CCDC178: variants seen among roughly 807,000 people sequenced by gnomAD.
CCDC178 encodes coiled-coil domain-containing protein 178.
A neutral mutation model predicts 117.4 loss-of-function variants in CCDC178; 126 were observed. The ratio of observed to expected loss-of-function variants is 1.07; its 90% CI spans 0.93 to 1.24. The LOEUF (loss-of-function observed/expected upper bound fraction) is 1.24. Ranked by LOEUF, CCDC178 falls within the 50% of genes most tolerant of loss-of-function variation. The pLI is 0.00. For missense variants in CCDC178, 1,030 were observed against 986.9 expected, an observed-to-expected ratio of 1.04 and a Z score of -0.59; for synonymous variants, 283 against 313.4, an observed-to-expected ratio of 0.90 and a Z score of 1.02.
chr18:33,138,332 C>T (rs781271977), intron 20 of CCDC178, among the ~76,000 whole-genome samples: 2 of 152,180 alleles, frequency 1.3e-5, no homozygotes, highest in Admixed American at 6.5e-5. Context: ...AAAAGGGCAT[C>T]TCCACCTCAT....
At chr18:33,405,014 A>G (rs1454522931) in intron 3 of CCDC178, among the ~76,000 whole-genome samples, 1 of 152,072 alleles carries the variant, frequency 6.6e-6, no homozygotes, top group Non-Finnish European at 1.5e-5. Flanking sequence ...TGGTTATGAA[A>G]GTGTTCTAGA....
intron 9 of CCDC178, among the ~76,000 whole-genome samples, chr18:33,343,762 T>C (rs2062847522): frequency 1.3e-5 from 2 of 152,202 alleles, no homozygotes; most frequent in Admixed American, 6.5e-5. Context: ...ATTTTATTTT[T>C]GAAAAGTATC....
intron 21 of CCDC178, among the ~76,000 whole-genome samples, chr18:33,025,407 T>C (rs2056207324): frequency 6.6e-6 from 1 of 152,174 alleles, no homozygotes; most frequent in South Asian, 2.1e-4. Context: ...TGGAGCTTAC[T>C]AAAATTAAAA....
intron 14 of CCDC178, among the ~76,000 whole-genome samples, chr18:33,251,285 G>A (rs2059616702): frequency 6.6e-6 from 1 of 151,730 alleles, no homozygotes; most frequent in Admixed American, 6.6e-5. Context: ...GTACCAGTAA[G>A]CTGGTAAGAG....
intron 21 of CCDC178, among the ~76,000 whole-genome samples, chr18:33,043,824 T>G (rs1262263621): frequency 6.6e-6 from 1 of 151,970 alleles, no homozygotes; most frequent in Non-Finnish European, 1.5e-5. Flanking sequence ...AATTACATAC[T>G]CTAATCACAT....
intron 20 of CCDC178, among the ~76,000 whole-genome samples, chr18:33,143,596 T>C (rs2058235168): frequency 6.6e-6 from 1 of 152,118 alleles, no homozygotes; most frequent in Non-Finnish European, 1.5e-5. Context: ...TGAAATAATG[T>C]TCCCTAATAT....
At chr18:33,418,432 A>T (rs1330542647) in intron 2 of CCDC178, among the ~76,000 whole-genome samples, 1 of 152,202 alleles carries the variant, frequency 6.6e-6, no homozygotes, top group Non-Finnish European at 1.5e-5. Context: ...AACCAGAAAA[A>T]GACAAGGATT....
intron 15 of CCDC178, among the ~76,000 whole-genome samples, chr18:33,242,625 A>AC (rs1555669892): frequency 6.6e-6 from 1 of 151,374 alleles, no homozygotes; most frequent in African/African-American, 2.4e-5. Flanking sequence ...TCAAAAAAAA[A>AC]TCATACAAAT....
intron 8 of CCDC178, among the ~76,000 whole-genome samples, chr18:33,348,464 AT>A (rs1480796626): frequency 6.6e-6 from 1 of 151,958 alleles, no homozygotes; most frequent in African/African-American, 2.4e-5. Flanking sequence ...AACCATTTAC[AT>A]TTATATGCAA....
At chr18:33,188,663 A>G (rs1222640223) in intron 20 of CCDC178, among the ~76,000 whole-genome samples, 1 of 152,166 alleles carries the variant, frequency 6.6e-6, no homozygotes, top group Non-Finnish European at 1.5e-5. Context: ...AGTTTTAACA[A>G]CCACAGGAAC....
chr18:33,132,441 T>C (rs1044912655), intron 20 of CCDC178, among the ~76,000 whole-genome samples: 1 of 151,768 alleles, frequency 6.6e-6, no homozygotes, highest in African/African-American at 2.4e-5. Context: ...TTTTTTCTTT[T>C]GGTTAAAGCA....
intron 20 of CCDC178, among the ~76,000 whole-genome samples, chr18:33,189,569 C>T (rs1252547267): frequency 6.6e-6 from 1 of 152,054 alleles, no homozygotes; most frequent in Non-Finnish European, 1.5e-5. Flanking sequence ...GTTACTTAGT[C>T]AAATGTACAA....
intron 15 of CCDC178, among the ~76,000 whole-genome samples, chr18:33,244,836 A>G (rs1219744063): frequency 6.6e-6 from 1 of 151,872 alleles, no homozygotes; most frequent in Non-Finnish European, 1.5e-5. Context: ...GGTACTCTAG[A>G]ATTCAACAAC....
chr18:33,436,367 C>T (rs1394552886), intron 2 of CCDC178, among the ~76,000 whole-genome samples: 6 of 152,164 alleles, frequency 3.9e-5, no homozygotes, highest in Non-Finnish European at 8.8e-5. Context: ...TGATGAAAGA[C>T]ATGCATAGAC....
At chr18:33,024,009 T>C (rs1048345993) in intron 21 of CCDC178, among the ~76,000 whole-genome samples, 2 of 152,130 alleles carry the variant, frequency 1.3e-5, no homozygotes, top group Non-Finnish European at 2.9e-5. Context: ...AATTAACCGT[T>C]CCTCAAAAAG....
intron 20 of CCDC178, among the ~76,000 whole-genome samples, chr18:33,095,643 T>G (rs2057530380): frequency 6.6e-6 from 1 of 151,944 alleles, no homozygotes. Context: ...CAGAAATATA[T>G]ATATTGTGCC....
At chr18:33,391,287 G>A (rs140476636) in intron 4 of CCDC178, among the ~76,000 whole-genome samples, 343 of 150,452 alleles carry the variant, frequency 2.3e-3, no homozygotes, top group Non-Finnish European at 3.8e-3. Flanking sequence ...ATCTATATGC[G>A]TGCAATAAAA....
At chr18:33,065,861 C>CTTTT (rs113727763) in intron 21 of CCDC178, among the ~76,000 whole-genome samples, 2 of 130,214 alleles carry the variant, frequency 1.5e-5, no homozygotes, top group East Asian at 2.2e-4. Flanking sequence ...AGTTCTTTTT[C>CTTTT]TTTTTTTTTT....
intron 20 of CCDC178, among the ~76,000 whole-genome samples, chr18:33,095,770 G>GTATA (rs138104454): frequency 6.7e-6 from 1 of 149,884 alleles, no homozygotes; most frequent in African/African-American, 2.4e-5. Flanking sequence ...CTTGAGAGGT[G>GTATA]TATATATATA....
Sources: allele counts gnomAD v4.1 joint callset (sites outside exome capture counted in the v4.1 genomes callset), GRCh38; gene constraint gnomAD v4.1.1; transcripts MANE v1.5; gene names NCBI Gene and HGNC (gene_info 2026-07-23, HGNC 2026-07-21).